NR1D2: variants seen among roughly 807,000 people sequenced by gnomAD.
NR1D2 encodes the protein nuclear receptor subfamily 1 group D member 2, also known as V-erbA-related protein 1-related.
NR1D2 carries 25 observed loss-of-function variants against 52.2 expected under a neutral mutation model. The ratio of observed to expected loss-of-function variants is 0.48; its 90% CI spans 0.35 to 0.67. The LOEUF (loss-of-function observed/expected upper bound fraction) is 0.67, where lower values mean the gene tolerates loss of function less well. NR1D2 is among the 30% of genes least tolerant of loss of function. The probability of loss-of-function intolerance (pLI) is 0.01; values close to 1 mark genes in which losing one functional copy is unlikely to be tolerated. For missense variants in NR1D2, 681 were observed against 707.2 expected, an observed-to-expected ratio of 0.96 and a Z score of 0.42; for synonymous variants, 259 against 230.1, an observed-to-expected ratio of 1.13 and a Z score of -1.14.
chr3:23,952,184 T>C (rs571747140), intron 1 of NR1D2, among the ~76,000 whole-genome samples: 1 of 152,270 alleles, frequency 6.6e-6, no homozygotes, highest in South Asian at 2.1e-4. Context: ...GGTTTGTAGT[T>C]AGGGACCATG....
At chr3:23,976,653 T>C (rs1266137215) in intron 7 of NR1D2, among the ~76,000 whole-genome samples, 2 of 152,210 alleles carry the variant, frequency 1.3e-5, no homozygotes, top group African/African-American at 4.8e-5. Context: ...GTACCTAAGA[T>C]GGAGGCCACA....
intron 5 of NR1D2, chr3:23,963,458 GT>G (rs113226787): frequency 7.9e-3 from 7,352 of 925,172 alleles, no homozygotes; most frequent in South Asian, 0.012. Context: ...TTGCTTTTTT[GT>G]TTTTTTTTTT....
intron 1 of NR1D2, among the ~76,000 whole-genome samples, chr3:23,954,250 A>C (rs1381920251): frequency 6.6e-6 from 1 of 152,176 alleles, no homozygotes; most frequent in Non-Finnish European, 1.5e-5. Flanking sequence ...CTCAAGCGAC[A>C]ATCCTCCCAC....
intron 3 of NR1D2, among the ~76,000 whole-genome samples, chr3:23,958,959 G>A (rs1319800236): frequency 3.9e-5 from 6 of 151,902 alleles, no homozygotes; most frequent in Non-Finnish European, 5.9e-5. Context: ...AAGAAAGCAA[G>A]CAAACAAACA....
In NR1D2 at chr3:23,977,966, C is replaced by G. The variant is rs865906684; in HGVS notation, c.*547C>G. Reference sequence around the variant, plus strand: ...CGGAAAATGAGAATTGATGGTGTCCCCAATGCCCCACCTCACAGAGTTACT... The same window carrying G: ...CGGAAAATGAGAATTGATGGTGTCCGCAATGCCCCACCTCACAGAGTTACT... On this transcript the variant is annotated 3_prime_UTR_variant, in exon 8 of 8. Transcript: ENST00000312521. 2.0e-5 allele frequency: 3 copies of G among 152,150 alleles called. No individual in the cohort carries two copies. The South Asian group carries it at 6.2e-4, about 32-fold the overall frequency. The allele number at this position is 152,150 out of a possible 1,614,324, so 9.4% of individuals were successfully genotyped here.
At chr3:23,961,922 A>T (rs1008333836) in intron 4 of NR1D2, 55 bp from the exon 5 acceptor site, 5 of 1,489,344 alleles carry the variant, frequency 3.4e-6, no homozygotes, top group Non-Finnish European at 4.5e-6. Flanking sequence ...TTATTCTTTT[A>T]TACAAAACAG....
chr3:23,957,736 A>G (rs1419518125), intron 3 of NR1D2, among the ~76,000 whole-genome samples: 1 of 151,976 alleles, frequency 6.6e-6, no homozygotes, highest in Non-Finnish European at 1.5e-5. Flanking sequence ...AAAAAAAAAA[A>G]GTGAAGTAAT....
chr3:23,963,427 A>C (rs1575154728), intron 5 of NR1D2: 1 of 1,187,900 alleles, frequency 8.4e-7, no homozygotes, highest in Non-Finnish European at 1.1e-6. Context: ...GATTCTGTGG[A>C]CCTTATGTTA....
At chr3:23,946,012 G>A (rs1357525090) in intron 1 of NR1D2, 2 of 734,894 alleles carry the variant, frequency 2.7e-6, no homozygotes, top group Non-Finnish European at 3.3e-6. Context: ...CGGGGCCGCA[G>A]GGACACGTGG....
At position 23,965,066 on chromosome 3, in the gene NR1D2, A is replaced by G; in HGVS notation, c.1236A>G (p.Ala412=). ...WEEFSMSFTP[A]VKEVVEFAKR... ...AATTTTCGATGAGCTTCACTCCAGCAGTGAAAGAAGTGGTGGAATTTGCAA... is the reference window on the plus strand; with the variant it reads ...AATTTTCGATGAGCTTCACTCCAGCGGTGAAAGAAGTGGTGGAATTTGCAA... The change falls in exon 6 of 8, where the codon GCA becomes GCG. Residue 412 remains alanine, a synonymous_variant. Transcript: ENST00000312521. 1 of 1,614,052 alleles carries G rather than the reference A, an allele frequency of 6.2e-7. No individual in the cohort carries two copies. Among genetic ancestry groups the G allele is most frequent in the Non-Finnish European group, 8.5e-7 (1 of 1,179,936 alleles).
At chr3:23,954,455 T>C in intron 1 of NR1D2, 82 bp from the exon 2 acceptor site, 1 of 1,164,464 alleles carries the variant, frequency 8.6e-7, no homozygotes, top group Non-Finnish European at 1.2e-6. Flanking sequence ...CTAAAGTTAA[T>C]GGCTTTACTG....
At chr3:23,974,297 A>T (rs1206258461) in intron 7 of NR1D2, among the ~76,000 whole-genome samples, 2 of 152,100 alleles carry the variant, frequency 1.3e-5, no homozygotes, top group Admixed American at 6.6e-5. Flanking sequence ...GTTTACTATT[A>T]TTAAGTGTAA....
chr3:23,966,315 A>T (rs896987963), intron 6 of NR1D2, among the ~76,000 whole-genome samples: 3 of 152,232 alleles, frequency 2.0e-5, no homozygotes, highest in Admixed American at 1.3e-4. Flanking sequence ...TTGTTAACCG[A>T]TTTAACTTGG....
chr3:23,945,755 C>G (rs1214535593), intron 1 of NR1D2, among the ~76,000 whole-genome samples, 161 bp downstream of exon 1: 1 of 150,330 alleles, frequency 6.7e-6, no homozygotes, highest in East Asian at 2.0e-4. Flanking sequence ...CCATCGCCCC[C>G]CGGGCCGCCC....
At chr3:23,949,280 G>A (rs552212709) in intron 1 of NR1D2, among the ~76,000 whole-genome samples, 45 of 151,926 alleles carry the variant, frequency 3.0e-4, no homozygotes, top group African/African-American at 1.1e-3. Flanking sequence ...CAGGAGAATC[G>A]CTTGAACCGA....
At chr3:23,946,045 G>T in intron 1 of NR1D2, 4 of 952,066 alleles carry the variant, frequency 4.2e-6, no homozygotes, top group South Asian at 9.7e-5. Context: ...GCGCGCGCGC[G>T]CTGGCTGGGA....
chr3:23,954,621 A>C lies in NR1D2; in HGVS notation c.101A>C (p.Gln34Pro). The change falls in exon 2 of 8, where the codon CAG becomes CCG. Residue 34 changes from glutamine (Q) to proline (P), a missense_variant. Gln to Pro is a moderately conservative substitution (Grantham distance 76). This residue lies in a region of NR1D2 where 94 missense variants were observed against 90.4 expected (regional missense o/e 1.04). Coordinates refer to ENST00000312521, the MANE Select transcript of NR1D2 (RefSeq NM_005126.5). ...CHSEGSENSF[Q>P]SSSSSVPSSP... ...AGTGAGGGTTCTGAGAATAGTTTCC[A>C]GTCCTCCTCCTCTTCTGTTCCATCT... The C allele has an allele frequency of 2.5e-6, 4 of 1,614,022 alleles. No homozygotes were observed. Among genetic ancestry groups the C allele is most frequent in the Non-Finnish European group, 3.4e-6 (4 of 1,179,902 alleles).
chr3:23,970,585 T>G (rs1390451969), intron 7 of NR1D2, among the ~76,000 whole-genome samples: 2 of 152,160 alleles, frequency 1.3e-5, no homozygotes, highest in Non-Finnish European at 2.9e-5. Context: ...ATTTACCTGT[T>G]TGTTTATATA....
In NR1D2 at chr3:23,978,659, C is replaced by T. The variant is rs1706803000; in HGVS notation, c.*1240C>T. 1 of 152,054 alleles carries T rather than the reference C, an allele frequency of 6.6e-6. No individual in the cohort carries two copies. The highest frequency in any genetic ancestry group is 2.4e-5 in the African/African-American group (1 of 41,414). The allele number at this position is 152,054 out of a possible 1,614,324, so 9.4% of individuals were successfully genotyped here. Reference sequence around the variant, plus strand: ...AAGAATTTTTATTCTTTCTGAAGAACTAATTAATGTTTAAAGCAACTGTTT... The same window carrying T: ...AAGAATTTTTATTCTTTCTGAAGAATTAATTAATGTTTAAAGCAACTGTTT... On this transcript the variant is annotated 3_prime_UTR_variant, in exon 8 of 8. Transcript: ENST00000312521.
Sources: gnomAD v4.1 joint callset for allele counts (sites outside exome capture counted in the v4.1 genomes callset) on GRCh38, gnomAD v4.1.1 for gene constraint, gnomAD v4.1.1 regional missense constraint, MANE v1.5 for transcripts, NCBI Gene and HGNC (gene_info 2026-07-23, HGNC 2026-07-21) for gene names.